ACAD9: variants seen among roughly 807,000 people sequenced by gnomAD.
The protein encoded by ACAD9 is complex I assembly factor ACAD9, mitochondrial.
A neutral mutation model predicts 70.2 loss-of-function variants in ACAD9; 53 were observed. The observed-to-expected ratio is 0.75, with a 90% CI of 0.61 to 0.95. ACAD9 has a LOEUF of 0.95. ACAD9 is among the 40% of genes least tolerant of loss of function. The pLI, the probability that ACAD9 is intolerant of heterozygous loss-of-function variation, is 0.00. For synonymous variants in ACAD9, 313 were observed against 312.1 expected, an observed-to-expected ratio of 1.00 and a Z score of -0.03; for missense variants, 777 against 802.8, an observed-to-expected ratio of 0.97 and a Z score of 0.39.
At chr3:128,912,078 G>C (rs1318610248) in intron 17 of ACAD9, among the ~76,000 whole-genome samples, 1 of 152,244 alleles carries the variant, frequency 6.6e-6, no homozygotes, top group African/African-American at 2.4e-5. Flanking sequence ...CAAGTGATGG[G>C]TGTAGGCGCC....
intron 12 of ACAD9, 84 bp downstream of exon 12, chr3:128,906,333 C>T (rs916383520): frequency 5.6e-5 from 88 of 1,585,248 alleles, no homozygotes; most frequent in South Asian, 2.0e-4. Context: ...CTCGCAGAGG[C>T]CCCCGCAGCC....
At chr3:128,899,858 G>C (rs1935685648) in intron 7 of ACAD9, among the ~76,000 whole-genome samples, 1 of 152,128 alleles carries the variant, frequency 6.6e-6, no homozygotes, top group South Asian at 2.1e-4. Context: ...AGGTCCATCT[G>C]GGTTCAGGTC....
At chr3:128,910,224 T>C (rs1936113891) in intron 16 of ACAD9, 75 bp downstream of exon 16, 9 of 1,606,358 alleles carry the variant, frequency 5.6e-6, no homozygotes, top group Non-Finnish European at 7.6e-6. Context: ...AGTTGATTGT[T>C]GAGGAGGGTG....
At chr3:128,903,690 C>T (rs748252265) in intron 9 of ACAD9, among the ~76,000 whole-genome samples, 4 of 152,236 alleles carry the variant, frequency 2.6e-5, no homozygotes, top group Non-Finnish European at 4.4e-5. Context: ...CTGTCTGGGG[C>T]CTCTGTGCCT....
In ACAD9 at chr3:128,902,133, G is replaced by A. The variant is rs1559827001; in HGVS notation, c.883-420G>A. ...GCTGATGGACATTGGGGTTGTTACC[G>A]CTTTTGGCTGCTATCAGTAATGCTA... On this transcript the variant is annotated intron_variant, in intron 8 of 17. Transcript: ENST00000308982. The surrounding 1 kb of genome is among the most constrained non-coding windows in gnomAD (Gnocchi z 4.0). Among the ~76,000 whole-genome samples, 1 of 152,182 alleles carries A rather than the reference G, an allele frequency of 6.6e-6. No homozygotes were observed.
At chr3:128,892,452 T>C (rs1283777685) in intron 2 of ACAD9, among the ~76,000 whole-genome samples, 1 of 152,234 alleles carries the variant, frequency 6.6e-6, no homozygotes, top group Non-Finnish European at 1.5e-5. Context: ...AAGTACACTT[T>C]AATTAATTTG....
intron 11 of ACAD9, 53 bp from the exon 12 acceptor site, chr3:128,906,068 T>A: frequency 6.2e-7 from 1 of 1,613,344 alleles, no homozygotes; most frequent in East Asian, 2.2e-5. Flanking sequence ...GCCACCCAGC[T>A]CCCTGCAGCG....
At chr3:128,912,451 G>A (rs1936439332) in intron 17 of ACAD9, 56 bp from the exon 18 acceptor site, 2 of 1,529,502 alleles carry the variant, frequency 1.3e-6, no homozygotes, top group Non-Finnish European at 1.8e-6. Flanking sequence ...CTTCAGCCAT[G>A]TTTGTCTTAT....
chr3:128,901,286 C>G lies in ACAD9; in HGVS notation c.819C>G (p.Val273=). ...TTTCATGTGTTTCAGCTTGTGAAGTCCATTTTGAAAACACCAAGATACCTG... is the reference window on the plus strand; with the variant it reads ...TTTCATGTGTTTCAGCTTGTGAAGTGCATTTTGAAAACACCAAGATACCTG... ...LGIRGSNTCE[V]HFENTKIPVE... Residue 273 remains valine, a synonymous_variant, in exon 8 of 18, where the codon GTC becomes GTG. Coordinates refer to ENST00000308982, the MANE Select transcript of ACAD9 (RefSeq NM_014049.5). 2 of 1,613,994 alleles carry G rather than the reference C, an allele frequency of 1.2e-6. No homozygotes were observed. The highest frequency in any genetic ancestry group is 1.7e-6 in the Non-Finnish European group (2 of 1,179,940).
chr3:128,895,735 C>T (rs945148079), intron 4 of ACAD9, among the ~76,000 whole-genome samples: 5 of 152,212 alleles, frequency 3.3e-5, no homozygotes, highest in South Asian at 4.1e-4. Flanking sequence ...CCTGAGCCTT[C>T]GTCCTTCAGC....
rs751121467 is a variant in ACAD9 at position 128,879,641 on chromosome 3, G to C, written c.-51G>C. The stretch of plus-strand genomic sequence containing the variant: ...CGTCATCAGACGTGTGTGTGTCCCT[G>C]CGGCGCTAAGAAGGGGAGACTGAGG... On this transcript the variant is annotated 5_prime_UTR_variant, in exon 1 of 18. Transcript: ENST00000308982. The C allele has an allele frequency of 6.2e-7, 1 of 1,602,642 alleles. No homozygotes were observed. Among genetic ancestry groups the C allele is most frequent in the Non-Finnish European group, 8.5e-7 (1 of 1,173,758 alleles).
intron 17 of ACAD9, among the ~76,000 whole-genome samples, chr3:128,911,785 A>G (rs1936357422): frequency 6.6e-6 from 1 of 152,194 alleles, no homozygotes; most frequent in Admixed American, 6.5e-5. Flanking sequence ...TCACGAAGGG[A>G]GGAGCATCTG....
chr3:128,899,523 GGTGT>G (rs63473460), intron 7 of ACAD9, 62 bp downstream of exon 7: 31,230 of 1,057,576 alleles, frequency 0.03, 64 homozygotes, highest in South Asian at 0.035. Context: ...GGCCTTTGAC[GGTGT>G]GTGTGTGTGT....
intron 9 of ACAD9, 72 bp from the exon 10 acceptor site, chr3:128,903,990 G>C (rs1412953989): frequency 2.0e-6 from 3 of 1,513,986 alleles, no homozygotes; most frequent in African/African-American, 1.4e-5. Flanking sequence ...GGGTAAGGAT[G>C]ATGGCCATAG....
At position 128,904,435 on chromosome 3, in the gene ACAD9, C is replaced by G. The variant is rs753025393; in HGVS notation, c.1079C>G (p.Thr360Ser). 5 of 1,614,102 alleles carry G rather than the reference C, an allele frequency of 3.1e-6. No individual in the cohort carries two copies. Among genetic ancestry groups the G allele is most frequent in the Non-Finnish European group, 4.2e-6 (5 of 1,180,052 alleles). Residue 360 changes from threonine (T) to serine (S), a missense_variant, in exon 11 of 18, where the codon ACC becomes AGC. Transcript: ENST00000308982. ...AAGGCTTACGTCATGGAGAGTATGA[C>G]CTACCTCACAGCAGGGATGCTGGAC... ...AQKAYVMESM[T>S]YLTAGMLDQP...
intron 6 of ACAD9, among the ~76,000 whole-genome samples, chr3:128,898,876 G>T (rs922237371): frequency 1.3e-5 from 2 of 151,884 alleles, no homozygotes; most frequent in South Asian, 2.1e-4. Flanking sequence ...CCACCCTCCC[G>T]CCTTTTTTCA....
chr3:128,908,839 A>G, intron 13 of ACAD9, 134 bp from the exon 14 acceptor site: 1 of 1,432,682 alleles, frequency 7.0e-7, no homozygotes. Flanking sequence ...GGGGGGGTTC[A>G]GGCTGTAGCC....
chr3:128,886,736 T>TA (rs200871357), intron 2 of ACAD9, among the ~76,000 whole-genome samples: 2,730 of 137,598 alleles, frequency 0.02, 46 homozygotes, highest in South Asian at 0.12. Flanking sequence ...AAAAGTAAGT[T>TA]AAAAAAAAAA....
intron 9 of ACAD9, among the ~76,000 whole-genome samples, chr3:128,903,733 T>C (rs1935809827): frequency 6.6e-6 from 1 of 152,168 alleles, no homozygotes; most frequent in South Asian, 2.1e-4. Context: ...CCCTTCCACC[T>C]GGTTGCATCT....
Sources: allele counts gnomAD v4.1 joint callset (sites outside exome capture counted in the v4.1 genomes callset), GRCh38; gene constraint gnomAD v4.1.1; non-coding constraint Gnocchi (gnomAD v3.1); transcripts MANE v1.5; gene names NCBI Gene and HGNC (gene_info 2026-07-23, HGNC 2026-07-21).